TFAM: variants seen among roughly 807,000 people sequenced by gnomAD.
TFAM encodes mitochondrial transcription factor 1.
In TFAM, 13 loss-of-function variants were observed where a neutral mutation model predicts 30.6. The observed-to-expected ratio is 0.42, with a 90% confidence interval of 0.28 to 0.67. The LOEUF is 0.67. Among genes scored for constraint, TFAM ranks in the 30% least tolerant of loss-of-function variants. The probability of loss-of-function intolerance (pLI) is 0.21; values close to 1 mark genes in which losing one functional copy is unlikely to be tolerated. For synonymous variants in TFAM, 106 were observed against 94.8 expected (o/e 1.12, Z -0.69); for missense variants, 231 against 293.7 (o/e 0.79, Z 1.56).
In TFAM at chr10:58,396,544, C is replaced by T. The variant is rs1475536478; in HGVS notation, c.*1470C>T. On this transcript the variant is annotated 3_prime_UTR_variant, in exon 7 of 7. Transcript: ENST00000487519. ...TGGCTTGGTAAAAATGTACTTTTTC[C>T]AGTAGCACATATCACAAGAACCTCA... The T allele has an allele frequency of 3.3e-5, 5 of 152,074 alleles. No individual in the cohort carries two copies. Among genetic ancestry groups the T allele is most frequent in the African/African-American group, 1.2e-4 (5 of 41,426 alleles). 9.4% of individuals were successfully genotyped at this position (152,074 alleles called of 1,614,324 possible). A position where few individuals can be genotyped will look rare whatever the true frequency, so the allele number is the denominator to read the frequency against.
Position 58,399,083 on chromosome 10 carries a change from T to G in TFAM, c.*4009T>G, listed in dbSNP as rs1840741760. ...TTTGTTAATTGATTAAATCACTTACTATATTCGATATGAAATATATAAAAC... is the reference window on the plus strand; with the variant it reads ...TTTGTTAATTGATTAAATCACTTACGATATTCGATATGAAATATATAAAAC... On this transcript the variant is annotated 3_prime_UTR_variant, in exon 7 of 7. Transcript: ENST00000487519. The G allele has an allele frequency of 6.6e-6, 1 of 152,222 alleles. No individual in the cohort carries two copies. Among genetic ancestry groups the G allele is most frequent in the Non-Finnish European group, 1.5e-5 (1 of 68,034 alleles). The allele number at this position is 152,222 out of a possible 1,614,324, so 9.4% of individuals were successfully genotyped here.
In TFAM at chr10:58,385,537, CCA is replaced by C; in HGVS notation, c.-9_-8del. 1 of 1,555,782 alleles carries C rather than the reference CCA, an allele frequency of 6.4e-7. No homozygotes were observed. ...GATTGGGGTCGGGTCACTGCCTCAT[CCA>C]CCGGAGCGATGGCGTTTCTCCGAAG... On this transcript the variant is annotated 5_prime_UTR_variant, in exon 1 of 7. Coordinates refer to ENST00000487519, the MANE Select transcript of TFAM (RefSeq NM_003201.3).
Position 58,396,210 on chromosome 10 carries a change from A to G in TFAM, c.*1136A>G, listed in dbSNP as rs999509397. ...GTAGCTGCCACAGAAACTATAGCCCACAAAGCCTGATATTTACTGTCTGTC... is the reference window on the plus strand; with the variant it reads ...GTAGCTGCCACAGAAACTATAGCCCGCAAAGCCTGATATTTACTGTCTGTC... On this transcript the variant is annotated 3_prime_UTR_variant, in exon 7 of 7. Transcript: ENST00000487519. 2 of 152,188 alleles carry G rather than the reference A, an allele frequency of 1.3e-5. No individual in the cohort carries two copies. The highest frequency in any genetic ancestry group is 4.8e-5 in the African/African-American group (2 of 41,448). 9.4% of individuals were successfully genotyped at this position (152,188 alleles called of 1,614,324 possible). A position where few individuals can be genotyped will look rare whatever the true frequency, so the allele number is the denominator to read the frequency against.
intron 4 of TFAM, among the ~76,000 whole-genome samples, chr10:58,389,144 G>C (rs936010381): frequency 6.6e-6 from 1 of 152,220 alleles, no homozygotes. Flanking sequence ...CTTTGCTTCT[G>C]AGTCTTCTTT....
At position 58,394,483 on chromosome 10, in the gene TFAM, G is replaced by A. The variant is rs185923860; in HGVS notation, c.594+69G>A. On this transcript the variant is annotated intron_variant, in intron 6 of 6. Coordinates refer to ENST00000487519, the MANE Select transcript of TFAM (RefSeq NM_003201.3). ...CTGTGAGAGAATGTATTAGGGCAAG[G>A]CTTGATTCATGTGAAGACAACCTTG... 7 of 1,308,882 alleles carry A rather than the reference G, an allele frequency of 5.3e-6. No homozygotes were observed. The East Asian group carries it at 1.4e-4, about 26-fold the overall frequency. The allele number at this position is 1,308,882 out of a possible 1,614,324, so 81.1% of individuals were successfully genotyped here. A position where few individuals can be genotyped will look rare whatever the true frequency, so the allele number is the denominator to read the frequency against.
Position 58,385,639 on chromosome 10 carries a change from C to A in TFAM, c.92C>A (p.Ser31Tyr), listed in dbSNP as rs893095238. The change falls in exon 1 of 7, where the codon TCC (serine) becomes TAC (tyrosine). Residue 31 changes from serine (S) to tyrosine (Y), a missense_variant. Coordinates refer to ENST00000487519, the MANE Select transcript of TFAM (RefSeq NM_003201.3). ...ACCGGCTGTGGAAGTCGACTGCGCT[C>A]CCCCTTCAGGTAGGCCCGCTTGCCT... is the stretch of plus-strand genomic sequence containing the variant. ...LCTGCGSRLR[S>Y]PFSFVYLPRW... The A allele has an allele frequency of 1.3e-6, 2 of 1,556,482 alleles. No individual in the cohort carries two copies. The highest frequency in any genetic ancestry group is 3.9e-5 in the Admixed American group (2 of 51,768).
rs899606853 is a variant in TFAM, at chr10:58,396,478, C to A, written c.*1404C>A. 7 of 152,086 alleles carry A rather than the reference C, an allele frequency of 4.6e-5. No homozygotes were observed. The East Asian group carries it at 1.3e-3, about 29-fold the overall frequency. The allele number at this position is 152,086 out of a possible 1,614,324, so 9.4% of individuals were successfully genotyped here. On this transcript the variant is annotated 3_prime_UTR_variant, in exon 7 of 7. Transcript: ENST00000487519. ...TACATTGCAGTATAATGAAAAAGAT[C>A]CATATACTGTGGAATGATATTCTTT...
Position 58,395,076 on chromosome 10 carries a change from A to C in TFAM, c.*2A>C. 3 of 1,613,336 alleles carry C rather than the reference A, an allele frequency of 1.9e-6. No individual in the cohort carries two copies. The highest frequency in any genetic ancestry group is 2.5e-6 in the Non-Finnish European group (3 of 1,179,472). ...AAATATGGTGCTGAGGAGTGTTAAA[A>C]GTAGAAGATTGAGATGTGTTCACAA... On this transcript the variant is annotated 3_prime_UTR_variant, in exon 7 of 7. Transcript: ENST00000487519.
At chr10:58,390,321 T>TTAA (rs1840568058) in intron 4 of TFAM, among the ~76,000 whole-genome samples, 1 of 152,166 alleles carries the variant, frequency 6.6e-6, no homozygotes, top group South Asian at 2.1e-4. Flanking sequence ...CTATGGAGCT[T>TTAA]TAAAGGTGGA....
intron 5 of TFAM, among the ~76,000 whole-genome samples, chr10:58,391,267 C>T (rs1379992086): frequency 2.0e-5 from 3 of 152,042 alleles, no homozygotes; most frequent in Non-Finnish European, 4.4e-5. Context: ...TTTGGTTATA[C>T]CCATAGGGAT....
intron 1 of TFAM, 77 bp downstream of exon 1, chr10:58,385,725 A>G (rs1840473567): frequency 8.9e-7 from 1 of 1,121,800 alleles, no homozygotes; most frequent in Admixed American, 2.0e-5. Flanking sequence ...CCTATCCTTC[A>G]CTTTCTGCCC....
Position 58,388,662 on chromosome 10 carries a change from AT to A in TFAM, c.292-5del. ...GTTTGTTGACTTACTTGGGTTTTTT[AT>A]TTATAGATATATCAAGATGCTTATA... On this transcript the variant is annotated splice_polypyrimidine_tract_variant and splice_region_variant and intron_variant, in intron 3 of 6. Coordinates refer to ENST00000487519, the MANE Select transcript of TFAM (RefSeq NM_003201.3). 6.2e-7 allele frequency: 1 copy of A among 1,609,312 alleles called. No homozygotes were observed. Among genetic ancestry groups the A allele is most frequent in the Middle Eastern group, 1.8e-4 (1 of 5,598 alleles).
chr10:58,394,825 C>T (rs1840653901), intron 6 of TFAM, 103 bp from the exon 7 acceptor site: 1 of 1,161,288 alleles, frequency 8.6e-7, no homozygotes, highest in East Asian at 2.6e-5. Context: ...AATGTAATTT[C>T]TAAAGTATAT....
In TFAM at chr10:58,395,664, A is replaced by G. The variant is rs41307508; in HGVS notation, c.*590A>G. On this transcript the variant is annotated 3_prime_UTR_variant, in exon 7 of 7. Transcript: ENST00000487519. The stretch of plus-strand genomic sequence containing the variant: ...TTTCTTACTGTCTTTTTTCTAAAGT[A>G]AAAACAAAGAAATTATGTGCCAGAT... The G allele has an allele frequency of 8.5e-3, 2,449 of 286,694 alleles. 17 individuals carry two copies. The highest frequency in any genetic ancestry group is 0.015 in the Middle Eastern group (16 of 1,054). The allele number at this position is 286,694 out of a possible 1,614,324, so 17.8% of individuals were successfully genotyped here.
At chr10:58,392,853 T>C (rs1840621419) in intron 5 of TFAM, among the ~76,000 whole-genome samples, 1 of 152,174 alleles carries the variant, frequency 6.6e-6, no homozygotes, top group Admixed American at 6.5e-5. Flanking sequence ...TTTTTGGGTA[T>C]TTTGTAGAGA....
rs1840674946 is a variant in TFAM, at chr10:58,396,001, G to A, written c.*927G>A. 1 of 175,518 alleles carries A rather than the reference G, an allele frequency of 5.7e-6. No homozygotes were observed. Among genetic ancestry groups the A allele is most frequent in the South Asian group, 2.0e-4 (1 of 5,062 alleles). The allele number at this position is 175,518 out of a possible 1,614,324, so 10.9% of individuals were successfully genotyped here. On this transcript the variant is annotated 3_prime_UTR_variant, in exon 7 of 7. Transcript: ENST00000487519. ...AACTATGGCCTGTGGATCAAATCCA[G>A]CCTGCTGCCTGCTTTTTATGGCCTG...
rs1174942412 is a variant in TFAM at position 58,386,331 on chromosome 10, G to C, written c.213G>C (p.Gln71His). ...SKEQLPIFKAQNPDAKTTELI... is the reference protein window; with the variant it reads ...SKEQLPIFKAHNPDAKTTELI... ...AACAACTACCCATATTTAAAGCTCA[G>C]AACCCAGGTAAGGAGTTTTGGGGCA... Residue 71 changes from glutamine to histidine, a missense_variant, in exon 2 of 7, where the codon CAG (glutamine) becomes CAC (histidine). Gln to His is a conservative substitution (Grantham distance 24). Transcript: ENST00000487519. 1.2e-6 allele frequency: 2 copies of C among 1,610,388 alleles called. No homozygotes were observed. The highest frequency in any genetic ancestry group is 1.7e-6 in the Non-Finnish European group (2 of 1,176,800).
chr10:58,387,648 A>G (rs1453362197), intron 2 of TFAM, among the ~76,000 whole-genome samples: 2 of 152,078 alleles, frequency 1.3e-5, no homozygotes, highest in Admixed American at 6.5e-5. Flanking sequence ...ACTAGTAATC[A>G]GCCTGGTGTG....
rs560682742 is a variant in TFAM at position 58,385,698 on chromosome 10, G to T, written c.101+50G>T. On this transcript the variant is annotated intron_variant, in intron 1 of 6. Transcript: ENST00000487519. ...GGGGCAGCAGGGCCCAGGACGTCCC[G>T]GGGTTGGAATGTAGACCCTATCCTT... 2.1e-6 allele frequency: 3 copies of T among 1,406,486 alleles called. No homozygotes were observed. The East Asian group carries it at 7.4e-5, about 35-fold the overall frequency. The allele number at this position is 1,406,486 out of a possible 1,614,324, so 87.1% of individuals were successfully genotyped here. A position where few individuals can be genotyped will look rare whatever the true frequency, so the allele number is the denominator to read the frequency against.
Sources: allele counts gnomAD v4.1 joint callset (sites outside exome capture counted in the v4.1 genomes callset), GRCh38; gene constraint gnomAD v4.1.1; transcripts MANE v1.5; gene names NCBI Gene and HGNC (gene_info 2026-07-23, HGNC 2026-07-21).